Variants in MECR observed in about 807,000 individuals in gnomAD.
MECR encodes the protein mitochondrial trans-2-enoyl-CoA reductase.
MECR carries 37 observed loss-of-function variants against 49.1 expected under a neutral mutation model. The ratio of observed to expected loss-of-function variants is 0.75; its 90% CI spans 0.58 to 0.99. MECR has a LOEUF of 0.99. Among genes scored for constraint, MECR ranks in the 50% least tolerant of loss-of-function variants. The pLI is 0.00. For missense variants in MECR, 470 were observed against 479.6 expected, an observed-to-expected ratio of 0.98 and a Z score of 0.19; for synonymous variants, 198 against 191.1, an observed-to-expected ratio of 1.04 and a Z score of -0.30.
chr1:29,172,976 G>C, the MECR span: 1 of 152,036 alleles, frequency 6.6e-6, no homozygotes, highest in Non-Finnish European at 1.5e-5. Context: ...GAAAATACAT[G>C]AGATAAATTA....
chr1:29,180,159 G>A, the MECR span, among the ~76,000 whole-genome samples: 1 of 152,216 alleles, frequency 6.6e-6, no homozygotes, highest in African/African-American at 2.4e-5. Flanking sequence ...AGTAAGTGGT[G>A]GAACCAGGAT....
At chr1:29,168,897 G>C in the MECR span, 1 of 152,116 alleles carries the variant, frequency 6.6e-6, no homozygotes. Flanking sequence ...GGAGGGAAAT[G>C]GGCCAGAAAT....
chr1:29,171,518 C>T, the MECR span: 1 of 151,470 alleles, frequency 6.6e-6, no homozygotes, highest in South Asian at 2.1e-4. Flanking sequence ...CCCATCAGTA[C>T]AAACTAGGGA....
chr1:29,201,799 G>C lies in MECR; in HGVS notation c.756+144C>G. 1 of 736,276 alleles carries C rather than the reference G, an allele frequency of 1.4e-6. No individual in the cohort carries two copies. Among genetic ancestry groups the C allele is most frequent in the Non-Finnish European group, 2.4e-6 (1 of 417,904 alleles). 45.6% of individuals were successfully genotyped at this position (736,276 alleles called of 1,614,324 possible). On this transcript the variant is annotated intron_variant, in intron 6 of 9. Coordinates refer to ENST00000263702, the MANE Select transcript of MECR (RefSeq NM_016011.5). This position sits in a 1 kb window ranked among gnomAD's most constrained non-coding sequence, Gnocchi z 4.3. Reference sequence around the variant, plus strand: ...CGTGCTGCCTGCCGCCTGGCTAGGGGGAATGGGCTTTAACCAACCAAGAGG... The same window carrying C: ...CGTGCTGCCTGCCGCCTGGCTAGGGCGAATGGGCTTTAACCAACCAAGAGG...
chr1:29,171,847 G>A, the MECR span: 2 of 152,164 alleles, frequency 1.3e-5, no homozygotes, highest in African/African-American at 2.4e-5. Context: ...GTACCTCAAT[G>A]AGAAAGGAGG....
At chr1:29,178,506 GCTA>G in the MECR span, among the ~76,000 whole-genome samples, 3 of 151,870 alleles carry the variant, frequency 2.0e-5, no homozygotes, top group African/African-American at 7.3e-5. Context: ...ACCATGCCCG[GCTA>G]CTTTTTTTTA....
chr1:29,190,799 A>T (rs1431300189), downstream of MECR, among the ~76,000 whole-genome samples: 15 of 124,844 alleles, frequency 1.2e-4, no homozygotes, highest in Admixed American at 4.1e-4. Flanking sequence ...CTCTCCAAAT[A>T]AAAAAAAAAA....
At chr1:29,213,685 A>G (rs1327720869) in intron 3 of MECR, among the ~76,000 whole-genome samples, 1 of 152,254 alleles carries the variant, frequency 6.6e-6, no homozygotes, top group Non-Finnish European at 1.5e-5. Flanking sequence ...GCTGGTGGCC[A>G]TCTATGAGAG....
the MECR span, among the ~76,000 whole-genome samples, chr1:29,168,329 C>A: frequency 1.3e-5 from 2 of 152,142 alleles, no homozygotes; most frequent in East Asian, 3.9e-4. Flanking sequence ...CCATGCCCGG[C>A]CTTCTACTGT....
chr1:29,223,833 C>G (rs1681380427), intron 1 of MECR: 1 of 152,124 alleles, frequency 6.6e-6, no homozygotes, highest in South Asian at 2.1e-4. Flanking sequence ...TTGTAAGGGC[C>G]TGGCTCCCAG....
rs776937211 is a variant in MECR, at chr1:29,194,064, G to A, written c.1080C>T (p.Ser360=). The change falls in exon 10 of 10, where the codon TCC becomes TCT. Residue 360 remains serine, a synonymous_variant. Transcript: ENST00000263702. ...GCTTTGAAGATATGAAGGGCTTCAT[G>A]GAGGCTTCCAAGGCAGACTGGTAGT... ...LQDYQSALEA[S]MKPFISSKQI... 23 of 1,614,080 alleles carry A rather than the reference G, an allele frequency of 1.4e-5. No individual in the cohort carries two copies. Among genetic ancestry groups the A allele is most frequent in the Admixed American group, 3.3e-5 (2 of 60,004 alleles).
chr1:29,213,078 CTT>C (rs1371456304), intron 3 of MECR, among the ~76,000 whole-genome samples: 1 of 152,230 alleles, frequency 6.6e-6, no homozygotes, highest in Admixed American at 6.5e-5. Flanking sequence ...ATAGAGGACT[CTT>C]GTCTTGGTGT....
chr1:29,185,065 G>T, the MECR span, among the ~76,000 whole-genome samples: 1 of 151,910 alleles, frequency 6.6e-6, no homozygotes. Flanking sequence ...GGCGGAGGCT[G>T]CAGTGAGCCA....
chr1:29,223,365 C>G (rs1009460480), intron 1 of MECR: 2 of 868,086 alleles, frequency 2.3e-6, no homozygotes, highest in African/African-American at 3.7e-5. Context: ...CACAGTTATA[C>G]TTGCTGTGTA....
downstream of MECR, among the ~76,000 whole-genome samples, chr1:29,190,385 G>T (rs539753946): frequency 2.0e-5 from 3 of 151,796 alleles, no homozygotes; most frequent in African/African-American, 7.3e-5. Context: ...AAAAAAAACC[G>T]TAGTCAAAGA....
intron 1 of MECR, chr1:29,224,009 T>C (rs1217647632): frequency 1.3e-5 from 2 of 152,212 alleles, no homozygotes; most frequent in African/African-American, 4.8e-5. Context: ...TTTAGCACAA[T>C]TGTTTTGAAC....
chr1:29,216,877 G>A (rs1679536722), intron 1 of MECR, 192 bp from the exon 2 acceptor site: 2 of 1,329,838 alleles, frequency 1.5e-6, no homozygotes, highest in Admixed American at 2.9e-5. Flanking sequence ...GCTCACGCCT[G>A]TAATCCCAGC....
the MECR span, among the ~76,000 whole-genome samples, chr1:29,186,569 T>C: frequency 6.6e-6 from 1 of 152,210 alleles, no homozygotes; most frequent in Non-Finnish European, 1.5e-5. Flanking sequence ...ATAAAGAGCG[T>C]TTAAAATACT....
chr1:29,196,669 C>A (rs1043079037), intron 7 of MECR, among the ~76,000 whole-genome samples: 1 of 151,908 alleles, frequency 6.6e-6, no homozygotes, highest in Non-Finnish European at 1.5e-5. Context: ...GTCTGGGCAA[C>A]AGAGTGAGAC....
Sources: gnomAD v4.1 joint callset for allele counts (sites outside exome capture counted in the v4.1 genomes callset) on GRCh38, gnomAD v4.1.1 for gene constraint, Gnocchi (gnomAD v3.1) non-coding constraint, MANE v1.5 for transcripts, NCBI Gene and HGNC (gene_info 2026-07-23, HGNC 2026-07-21) for gene names.